Variants in ATP1A4 observed in about 807,000 individuals in gnomAD.
ATP1A4 encodes sodium/potassium-transporting ATPase subunit alpha-4.
A neutral mutation model predicts 114.3 loss-of-function variants in ATP1A4; 90 were observed. The observed-to-expected ratio is 0.79, with a 90% CI of 0.66 to 0.94. ATP1A4 has a LOEUF of 0.94. ATP1A4 is among the 40% of genes least tolerant of loss of function. The probability of loss-of-function intolerance (pLI) is 0.00; values close to 1 mark genes in which losing one functional copy is unlikely to be tolerated. For synonymous variants in ATP1A4, 511 were observed against 494.1 expected (o/e 1.03, Z -0.45); for missense variants, 1,222 against 1,313.6 (o/e 0.93, Z 1.08).
At chr1:160,168,533 C>T (rs911433579) in intron 10 of ATP1A4, among the ~76,000 whole-genome samples, 1 of 152,176 alleles carries the variant, frequency 6.6e-6, no homozygotes, top group East Asian at 1.9e-4. Flanking sequence ...CAGGCATGTG[C>T]CACCACGCCC....
chr1:160,171,139 A>G, intron 10 of ATP1A4, 112 bp from the exon 11 acceptor site: 1 of 998,770 alleles, frequency 1.0e-6, no homozygotes, highest in Non-Finnish European at 1.5e-6. Context: ...AGGGAACAAA[A>G]GAAATGGGGG....
At chr1:160,177,912 G>A (rs559906503) in intron 18 of ATP1A4, among the ~76,000 whole-genome samples, 2 of 152,334 alleles carry the variant, frequency 1.3e-5, no homozygotes, top group Admixed American at 6.5e-5. Flanking sequence ...GGCCCTGCCT[G>A]TCTGAGTCCT....
At chr1:160,154,996 G>T in intron 2 of ATP1A4, 49 bp from the exon 3 acceptor site, 1 of 1,571,348 alleles carries the variant, frequency 6.4e-7, no homozygotes, top group South Asian at 1.1e-5. Flanking sequence ...TGCTATGGCT[G>T]TTCCTCTTTT....
At position 160,181,665 on chromosome 1, in the gene ATP1A4, C is replaced by T; in HGVS notation, c.2737-19C>T. The T allele has an allele frequency of 1.2e-6, 2 of 1,613,718 alleles. No individual in the cohort carries two copies. The highest frequency in any genetic ancestry group is 1.1e-5 in the South Asian group (1 of 91,002). The stretch of plus-strand genomic sequence containing the variant: ...GAATCCCCTTCTGACACTGTTTCCT[C>T]TCTCCCTGCTGTCTCTAGACCTATG... On this transcript the variant is annotated intron_variant, in intron 18 of 21. Transcript: ENST00000368081.
chr1:160,168,059 T>C (rs1165691576), intron 10 of ATP1A4, among the ~76,000 whole-genome samples: 3 of 152,156 alleles, frequency 2.0e-5, no homozygotes, highest in Non-Finnish European at 4.4e-5. Flanking sequence ...CCCAGGAACA[T>C]TTTGGTCCAC....
intron 18 of ATP1A4, among the ~76,000 whole-genome samples, chr1:160,180,841 A>C (rs1653667614): frequency 6.6e-6 from 1 of 151,256 alleles, no homozygotes; most frequent in African/African-American, 2.4e-5. Context: ...CAGCCTCCCG[A>C]GCAGCTGGGA....
Position 160,181,791 on chromosome 1 carries a change from C to T in ATP1A4, c.2844C>T (p.Asn948=), listed in dbSNP as rs1475293925. The T allele has an allele frequency of 3.1e-6, 5 of 1,613,602 alleles. No individual in the cohort carries two copies. The highest frequency in any genetic ancestry group is 2.2e-5 in the South Asian group (2 of 91,050). Residue 948 remains asparagine, a synonymous_variant, in exon 19 of 22, where the codon AAC becomes AAT. Transcript: ENST00000368081. ...TCATCATCTCCAAGACTCGCCGCAA[C>T]TCACTTTTCCAGCAGGGCATGAGGT... is the stretch of plus-strand genomic sequence containing the variant. The part of the protein sequence containing the change: ...ADLIISKTRR[N]SLFQQGMRNK...
At chr1:160,172,641 C>A (rs1360906668) in intron 12 of ATP1A4, among the ~76,000 whole-genome samples, 1 of 152,176 alleles carries the variant, frequency 6.6e-6, no homozygotes, top group Admixed American at 6.5e-5. Context: ...ATATAGACAC[C>A]TTCCGTGCTC....
At chr1:160,180,855 C>T (rs1437043804) in intron 18 of ATP1A4, among the ~76,000 whole-genome samples, 1 of 151,964 alleles carries the variant, frequency 6.6e-6, no homozygotes, top group Non-Finnish European at 1.5e-5. Flanking sequence ...GCTGGGACTA[C>T]AGGCACCCGC....
chr1:160,156,185 G>A, intron 4 of ATP1A4, 27 bp downstream of exon 4: 1 of 1,470,118 alleles, frequency 6.8e-7, no homozygotes, highest in Non-Finnish European at 9.5e-7. Context: ...AGGATCTAGT[G>A]GGAGCAGGAG....
rs527303426 is a variant in ATP1A4 at position 160,186,086 on chromosome 1, C to CAAAAAA, written c.2970-173_2970-168dup. On this transcript the variant is annotated intron_variant, in intron 20 of 21. Coordinates refer to ENST00000368081, the MANE Select transcript of ATP1A4 (RefSeq NM_144699.4). The stretch of plus-strand genomic sequence containing the variant: ...TGGGCAACAGAACAAGACTCTGTCG[C>CAAAAAA]AAAAAAAAAAAAAAAAAAAAAAGGG... Among the ~76,000 whole-genome samples, 15 of 32,784 alleles carry CAAAAAA rather than the reference C, an allele frequency of 4.6e-4. 1 individual carries two copies. The highest frequency in any genetic ancestry group is 1.6e-3 in the African/African-American group (13 of 7,896). The allele number at this position is 32,784 out of a possible 152,430, so 21.5% of individuals were successfully genotyped here.
Position 160,180,931 on chromosome 1 carries a change from G to T in ATP1A4, c.2737-753G>T, listed in dbSNP as rs1240858216. ...GGGTTTCATTGTGTTAGCCAGGATG[G>T]TCTTGATCTCCTGACCTCGTGATCT... On this transcript the variant is annotated intron_variant, in intron 18 of 21. Coordinates refer to ENST00000368081, the MANE Select transcript of ATP1A4 (RefSeq NM_144699.4). 2.6e-5 allele frequency among the ~76,000 whole-genome samples: 4 copies of T among 151,720 alleles called. No homozygotes were observed. The East Asian group carries it at 7.8e-4, about 29-fold the overall frequency.
Position 160,171,648 on chromosome 1 carries a change from T to C in ATP1A4, c.1745T>C (p.Ile582Thr), listed in dbSNP as rs1019619217. The C allele has an allele frequency of 2.0e-5, 33 of 1,614,006 alleles. No homozygotes were observed. The highest frequency in any genetic ancestry group is 2.8e-5 in the Non-Finnish European group (33 of 1,180,022). ...SKGFPFNTDE[I>T]NFPMDNLCFV... ...GGATTCCCATTTAATACAGATGAAA[T>C]AAATTTCCCCATGGACAACCTTTGT... is the stretch of plus-strand genomic sequence containing the variant. Residue 582 changes from isoleucine to threonine, a missense_variant, in exon 12 of 22, where the codon ATA becomes ACA. Physicochemically the swap from Ile to Thr is moderately conservative, Grantham distance 89. Coordinates refer to ENST00000368081, the MANE Select transcript of ATP1A4 (RefSeq NM_144699.4).
Position 160,174,647 on chromosome 1 carries a change from C to A in ATP1A4, c.2211C>A (p.Gly737=). ...DSPALKKADI[G]IAMGISGSDV... Reference sequence around the variant, plus strand: ...CTGCGCTGAAGAAGGCTGACATTGGCATTGCCATGGGCATCTCTGGCTCTG... The same window carrying A: ...CTGCGCTGAAGAAGGCTGACATTGGAATTGCCATGGGCATCTCTGGCTCTG... The change falls in exon 15 of 22, where the codon GGC becomes GGA. Residue 737 remains glycine, a synonymous_variant. Coordinates refer to ENST00000368081, the MANE Select transcript of ATP1A4 (RefSeq NM_144699.4). The A allele has an allele frequency of 6.2e-7, 1 of 1,614,216 alleles. No homozygotes were observed. The highest frequency in any genetic ancestry group is 8.5e-7 in the Non-Finnish European group (1 of 1,180,048).
chr1:160,176,643 G>A, intron 17 of ATP1A4, 41 bp downstream of exon 17: 1 of 1,600,036 alleles, frequency 6.2e-7, no homozygotes, highest in Non-Finnish European at 8.6e-7. Context: ...GCAGGGAGTG[G>A]TTTCCCCTGC....
intron 4 of ATP1A4, 109 bp from the exon 5 acceptor site, chr1:160,158,893 A>G (rs1056680713): frequency 8.2e-7 from 1 of 1,214,718 alleles, no homozygotes; most frequent in African/African-American, 1.5e-5. Flanking sequence ...GGGTGACAGT[A>G]AGAAAGGGGA....
chr1:160,164,510 C>T lies in ATP1A4; in HGVS notation c.1047+86C>T, dbSNP rs528082944. ...CACTAGCGTCTCTTTTGTTGTTGAA[C>T]CTTTCAAGTGCAGGGTCTTCCTGAT... On this transcript the variant is annotated intron_variant, in intron 7 of 21. Coordinates refer to ENST00000368081, the MANE Select transcript of ATP1A4 (RefSeq NM_144699.4). 1.1e-5 allele frequency: 16 copies of T among 1,421,862 alleles called. No individual in the cohort carries two copies. The African/African-American group carries it at 1.6e-4, about 14-fold the overall frequency. The allele number at this position is 1,421,862 out of a possible 1,614,324, so 88.1% of individuals were successfully genotyped here. A position where few individuals can be genotyped will look rare whatever the true frequency, so the allele number is the denominator to read the frequency against.
At chr1:160,168,799 A>G (rs1045299173) in intron 10 of ATP1A4, among the ~76,000 whole-genome samples, 1 of 152,214 alleles carries the variant, frequency 6.6e-6, no homozygotes, top group Non-Finnish European at 1.5e-5. Context: ...CAATGTAATA[A>G]AATAGGTCTC....
At chr1:160,153,038 A>G in intron 1 of ATP1A4, 127 bp from the exon 2 acceptor site, 1 of 745,996 alleles carries the variant, frequency 1.3e-6, no homozygotes, top group East Asian at 2.6e-5. Flanking sequence ...CAAAAAAAGA[A>G]TTGCAGGGAG....
Sources: gnomAD v4.1 joint callset for allele counts (sites outside exome capture counted in the v4.1 genomes callset) on GRCh38, gnomAD v4.1.1 for gene constraint, MANE v1.5 for transcripts, NCBI Gene and HGNC (gene_info 2026-07-23, HGNC 2026-07-21) for gene names.